Variants in MAML3 observed in about 807,000 individuals in gnomAD.
MAML3 encodes the protein mastermind like transcriptional coactivator 3.
Under a neutral mutation model 101.9 loss-of-function variants are expected in MAML3, and 27 were observed. The observed-to-expected ratio is 0.27, with a 90% CI of 0.20 to 0.37. MAML3 has a LOEUF of 0.37. Among genes scored for constraint, MAML3 ranks in the 10% least tolerant of loss-of-function variants. The probability of loss-of-function intolerance (pLI) is 1.00; values close to 1 mark genes in which losing one functional copy is unlikely to be tolerated. For missense variants in MAML3, 1,316 were observed against 1,444.9 expected (o/e 0.91, Z 1.45); for synonymous variants, 501 against 555.9 (o/e 0.90, Z 1.39).
At chr4:139,874,319 GA>G (rs937993635) in intron 2 of MAML3, among the ~76,000 whole-genome samples, 11 of 152,070 alleles carry the variant, frequency 7.2e-5, no homozygotes, top group African/African-American at 2.7e-4. Context: ...TTTAAAATAT[GA>G]AAAATAAATA....
chr4:139,720,141 T>C lies in MAML3; in HGVS notation c.2599A>G (p.Ser867Gly). The C allele has an allele frequency of 6.2e-7, 1 of 1,614,082 alleles. No individual in the cohort carries two copies. Among genetic ancestry groups the C allele is most frequent in the Non-Finnish European group, 8.5e-7 (1 of 1,179,906 alleles). Residue 867 changes from serine to glycine, a missense_variant, in exon 5 of 5, where the codon AGC becomes GGC. By Grantham distance (56) the Ser-to-Gly change is moderately conservative. Transcript: ENST00000509479. Reference protein sequence around the residue: ...GLAPYSTTPTSQPGMYNMSTG... With the variant: ...GLAPYSTTPTGQPGMYNMSTG... ...CTCATATTGTACATTCCTGGTTGGCTGGTAGGCGTGGTGCTATAAGGGGCC... is the reference window on the plus strand; with the variant it reads ...CTCATATTGTACATTCCTGGTTGGCCGGTAGGCGTGGTGCTATAAGGGGCC...
intron 2 of MAML3, among the ~76,000 whole-genome samples, chr4:139,793,946 C>T (rs1173087880): frequency 6.6e-6 from 1 of 152,180 alleles, no homozygotes; most frequent in African/African-American, 2.4e-5. Flanking sequence ...CAGCACTGTA[C>T]ATCTTGGCTA....
At chr4:139,829,027 AC>A (rs1483218331) in intron 2 of MAML3, among the ~76,000 whole-genome samples, 48 of 142,264 alleles carry the variant, frequency 3.4e-4, no homozygotes, top group South Asian at 1.6e-3. Flanking sequence ...GGAAGGACGG[AC>A]GGACGGACTA....
At position 139,764,595 on chromosome 4, in the gene MAML3, G is replaced by GCT. The variant is rs760836031; in HGVS notation, c.2080-33930_2080-33929dup. Among the ~76,000 whole-genome samples, 28 of 152,222 alleles carry GCT rather than the reference G, an allele frequency of 1.8e-4. 1 individual carries two copies. The highest frequency in any genetic ancestry group is 3.7e-4 in the Non-Finnish European group (25 of 68,042). ...TGAAGTTGCTGTGCAGATCTAGTGA[G>GCT]CTAATGCATGCGAGAGCACTTTGTG... is the stretch of plus-strand genomic sequence containing the variant. On this transcript the variant is annotated intron_variant, in intron 2 of 4. Transcript: ENST00000509479.
At chr4:139,942,188 A>G (rs1202780254) in intron 1 of MAML3, among the ~76,000 whole-genome samples, 2 of 151,678 alleles carry the variant, frequency 1.3e-5, no homozygotes, top group Non-Finnish European at 2.9e-5. Flanking sequence ...GCAGGCAGGC[A>G]GGCAGGCAGG....
intron 1 of MAML3, among the ~76,000 whole-genome samples, chr4:140,083,165 G>A (rs1326887517): frequency 6.6e-6 from 1 of 152,178 alleles, no homozygotes; most frequent in Non-Finnish European, 1.5e-5. Context: ...AGTAAGTAAA[G>A]AACCGCAAAT....
chr4:139,813,175 A>G (rs558984368), intron 2 of MAML3, among the ~76,000 whole-genome samples: 36 of 152,134 alleles, frequency 2.4e-4, no homozygotes, highest in African/African-American at 8.7e-4. Context: ...GAAAAAGATA[A>G]GAAAATAGGG....
chr4:139,983,174 C>T (rs1198158847), intron 1 of MAML3, among the ~76,000 whole-genome samples: 2 of 152,190 alleles, frequency 1.3e-5, no homozygotes, highest in Non-Finnish European at 2.9e-5. Flanking sequence ...TTGATTTTGA[C>T]AAATGTAGTG....
intron 2 of MAML3, among the ~76,000 whole-genome samples, chr4:139,884,677 C>A (rs1287298066): frequency 1.3e-5 from 2 of 152,228 alleles, no homozygotes; most frequent in Non-Finnish European, 2.9e-5. Flanking sequence ...TGTTGTTCCG[C>A]TGGTTCAAGA....
At chr4:139,922,041 A>G (rs925177078) in intron 1 of MAML3, among the ~76,000 whole-genome samples, 20 of 152,268 alleles carry the variant, frequency 1.3e-4, no homozygotes, top group Non-Finnish European at 4.4e-5. Context: ...TGGAGGACAC[A>G]AGGCTTAACT....
At chr4:140,142,326 A>T (rs1728991077) in intron 1 of MAML3, among the ~76,000 whole-genome samples, 2 of 152,228 alleles carry the variant, frequency 1.3e-5, no homozygotes, top group Admixed American at 1.3e-4. Flanking sequence ...AAAGGAAATA[A>T]CATTGAGGGG....
chr4:139,878,354 A>C (rs1158696823), intron 2 of MAML3, among the ~76,000 whole-genome samples: 1 of 152,140 alleles, frequency 6.6e-6, no homozygotes, highest in Non-Finnish European at 1.5e-5. Context: ...GGTAGCACTG[A>C]CTACTCGCTC....
chr4:140,122,696 G>T (rs955292046), intron 1 of MAML3, among the ~76,000 whole-genome samples: 2 of 151,040 alleles, frequency 1.3e-5, no homozygotes, highest in African/African-American at 4.9e-5. Flanking sequence ...GGAGGCTGCG[G>T]CAGGAGAATG....
chr4:139,745,250 A>G (rs569073738), intron 2 of MAML3, among the ~76,000 whole-genome samples: 5 of 152,158 alleles, frequency 3.3e-5, no homozygotes, highest in African/African-American at 1.2e-4. Flanking sequence ...CCATGGACAG[A>G]TCTGCATGCA....
chr4:139,724,284 A>G (rs930699980), intron 4 of MAML3, among the ~76,000 whole-genome samples: 6 of 152,190 alleles, frequency 3.9e-5, no homozygotes, highest in Non-Finnish European at 7.3e-5. Context: ...CAGACTGTAA[A>G]CTACAGCTCA....
rs76355031 is a variant in MAML3 at position 140,135,325 on chromosome 4, G to A, written c.468+17535C>T. Reference sequence around the variant, plus strand: ...CTATTTAAGCCTTAAGAATAAAGATGTCATGTGCAAAGTGCTCTGAAAGCA... The same window carrying A: ...CTATTTAAGCCTTAAGAATAAAGATATCATGTGCAAAGTGCTCTGAAAGCA... On this transcript the variant is annotated intron_variant, in intron 1 of 4. Transcript: ENST00000509479. 3.1e-3 allele frequency among the ~76,000 whole-genome samples: 471 copies of A among 152,306 alleles called. 5 individuals are homozygous for A. Among genetic ancestry groups the A allele is most frequent in the East Asian group, 0.021 (108 of 5,186 alleles).
At chr4:139,771,866 A>C (rs6835277) in intron 2 of MAML3, among the ~76,000 whole-genome samples, 91,322 of 151,068 alleles carry the variant, frequency 0.6, 28,074 homozygotes, top group South Asian at 0.66. Context: ...CAAGCTCACC[A>C]GGTGATACAC....
chr4:140,140,051 C>T (rs1009203851), intron 1 of MAML3, among the ~76,000 whole-genome samples: 5 of 152,192 alleles, frequency 3.3e-5, no homozygotes, highest in Non-Finnish European at 7.3e-5. Context: ...GGGCCGGACG[C>T]GGTGGCTCAC....
In MAML3 at chr4:139,746,833, C is replaced by T. The variant is rs145287936; in HGVS notation, c.2080-16166G>A. Among the ~76,000 whole-genome samples, 6 of 152,258 alleles carry T rather than the reference C, an allele frequency of 3.9e-5. No individual in the cohort carries two copies. In the East Asian group the frequency reaches 1.2e-3, roughly 29 times the overall value. The stretch of plus-strand genomic sequence containing the variant: ...TTTTATGAAACAAGTAGAAGAGAGA[C>T]GGATTGCTTTCCTTCCTTTGATCAA... On this transcript the variant is annotated intron_variant, in intron 2 of 4. Coordinates refer to ENST00000509479, the MANE Select transcript of MAML3 (RefSeq NM_018717.5).
Sources: gnomAD v4.1 joint callset for allele counts (sites outside exome capture counted in the v4.1 genomes callset) on GRCh38, gnomAD v4.1.1 for gene constraint, MANE v1.5 for transcripts, NCBI Gene and HGNC (gene_info 2026-07-23, HGNC 2026-07-21) for gene names.